Variants in FAT4 observed in about 807,000 individuals in gnomAD.
FAT4 encodes protocadherin Fat 4.
In FAT4, 84 loss-of-function variants were observed where a neutral mutation model predicts 303.9. The ratio of observed to expected loss-of-function variants is 0.28; its 90% confidence interval spans 0.23 to 0.33. The LOEUF (loss-of-function observed/expected upper bound fraction) is 0.33. Ranked by LOEUF, FAT4 falls within the 10% of genes least tolerant of loss-of-function variation. The pLI, the probability that FAT4 is intolerant of heterozygous loss-of-function variation, is 1.00. For missense variants in FAT4, 6,005 were observed against 6,146.8 expected (o/e 0.98, Z 0.77); for synonymous variants, 2,307 against 2,298.8 (o/e 1.00, Z -0.10).
intron 8 of FAT4, among the ~76,000 whole-genome samples, chr4:125,438,117 C>T (rs1725523181): frequency 6.6e-6 from 1 of 152,128 alleles, no homozygotes; most frequent in African/African-American, 2.4e-5. Context: ...CATGCAGATG[C>T]TGTTTCTTAG....
intron 7 of FAT4, among the ~76,000 whole-genome samples, chr4:125,432,926 A>G (rs1725330162): frequency 6.6e-6 from 1 of 152,114 alleles, no homozygotes; most frequent in African/African-American, 2.4e-5. Flanking sequence ...AACTGGGTAT[A>G]CACATTCTTT....
chr4:125,401,123 C>T (rs1302713191), intron 3 of FAT4, among the ~76,000 whole-genome samples: 1 of 151,944 alleles, frequency 6.6e-6, no homozygotes, highest in Non-Finnish European at 1.5e-5. Flanking sequence ...AAAGAAAAAG[C>T]TCACAAAGTT....
At chr4:125,475,235 C>G (rs13139028) in intron 12 of FAT4, among the ~76,000 whole-genome samples, 58,167 of 151,392 alleles carry the variant, frequency 0.38, 11,160 homozygotes, top group Middle Eastern at 0.46. Context: ...GTTTGGGGAA[C>G]AAAGGAGGTG....
chr4:125,375,541 T>C (rs1456682795), intron 2 of FAT4, among the ~76,000 whole-genome samples: 3 of 152,194 alleles, frequency 2.0e-5, no homozygotes, highest in Non-Finnish European at 4.4e-5. Context: ...CCTGGAAATA[T>C]GCATTTTGAA....
chr4:125,406,965 C>T lies in FAT4; in HGVS notation c.5393C>T (p.Ala1798Val), dbSNP rs1378084829. ...RIDPESGDLI[A>V]TRRLDRERRS... is the part of the protein sequence containing the mutation. ...GACCCAGAATCCGGAGATCTGATAG[C>T]AACCAGGCGGTTGGACAGGGAACGC... The change falls in exon 4 of 18, where the codon GCA becomes GTA. Residue 1798 changes from alanine (A) to valine (V), a missense_variant. Physicochemically the swap from Ala to Val is moderately conservative, Grantham distance 64. Transcript: ENST00000394329. 1 of 1,613,748 alleles carries T rather than the reference C, an allele frequency of 6.2e-7. No homozygotes were observed. The highest frequency in any genetic ancestry group is 2.2e-5 in the East Asian group (1 of 44,864).
chr4:125,485,471 C>T (rs1441616202), intron 16 of FAT4, among the ~76,000 whole-genome samples: 2 of 152,000 alleles, frequency 1.3e-5, no homozygotes, highest in African/African-American at 4.8e-5. Flanking sequence ...CAAAAAAACA[C>T]ATTAGCCTCA....
At chr4:125,458,792 T>C (rs1470922389) in intron 10 of FAT4, among the ~76,000 whole-genome samples, 1 of 151,952 alleles carries the variant, frequency 6.6e-6, no homozygotes, top group Non-Finnish European at 1.5e-5. Flanking sequence ...AAACTTTTTT[T>C]GGTTGTTGCT....
intron 10 of FAT4, among the ~76,000 whole-genome samples, chr4:125,460,954 T>C (rs1169578431): frequency 6.6e-6 from 1 of 152,116 alleles, no homozygotes; most frequent in African/African-American, 2.4e-5. Context: ...ATTTGTTTTT[T>C]CTTAACAATT....
At chr4:125,371,148 C>CAAAAAAAAA (rs1197394937) in intron 2 of FAT4, among the ~76,000 whole-genome samples, 1 of 98,018 alleles carries the variant, frequency 1.0e-5, no homozygotes, top group Non-Finnish European at 2.0e-5. Context: ...AACTCCATCT[C>CAAAAAAAAA]AAAAAAAAAA....
intron 7 of FAT4, among the ~76,000 whole-genome samples, chr4:125,424,957 A>C (rs1169953889): frequency 6.6e-6 from 1 of 152,216 alleles, no homozygotes; most frequent in East Asian, 1.9e-4. Flanking sequence ...GGGAGAAAAA[A>C]GATTTTAGGG....
chr4:125,406,937 A>G lies in FAT4; in HGVS notation c.5365A>G (p.Ile1789Val). Residue 1789 changes from isoleucine (I) to valine (V), a missense_variant, in exon 4 of 18, where the codon ATC becomes GTC. Physicochemically the swap from Ile to Val is conservative, Grantham distance 29. Transcript: ENST00000394329. ...IISGADDSFR[I>V]DPESGDLIAT... is the part of the protein sequence containing the mutation. ...TAGTGGAGCTGATGATAGTTTTCGC[A>G]TCGACCCAGAATCCGGAGATCTGAT... 6 of 1,613,864 alleles carry G rather than the reference A, an allele frequency of 3.7e-6. No individual in the cohort carries two copies. Among genetic ancestry groups the G allele is most frequent in the East Asian group, 2.2e-5 (1 of 44,848 alleles).
At position 125,449,779 on chromosome 4, in the gene FAT4, T is replaced by C; in HGVS notation, c.8769T>C (p.Asn2923=). Residue 2923 remains asparagine (N), a synonymous_variant, in exon 10 of 18, where the codon AAT becomes AAC. Coordinates refer to ENST00000394329, the MANE Select transcript of FAT4 (RefSeq NM_001291303.3). ...CCCAATCAGAATATTTCAGGATTAA[T>C]GCCACCACTGGAGAGATTTTCAATA... ...IKSQSEYFRI[N]ATTGEIFNKQ... is the part of the protein sequence containing the mutation. 1.2e-6 allele frequency: 2 copies of C among 1,613,810 alleles called. No individual in the cohort carries two copies. The highest frequency in any genetic ancestry group is 1.7e-6 in the Non-Finnish European group (2 of 1,179,882).
rs535080217 is a variant in FAT4 at position 125,319,502 on chromosome 4, A to G, written c.3091A>G (p.Ile1031Val). 6.2e-7 allele frequency: 1 copy of G among 1,613,402 alleles called. No homozygotes were observed. Among genetic ancestry groups the G allele is most frequent in the Non-Finnish European group, 8.5e-7 (1 of 1,179,330 alleles). Residue 1031 changes from isoleucine (I) to valine (V), a missense_variant, in exon 2 of 18, where the codon ATT (isoleucine) becomes GTT (valine). Physicochemically the swap from Ile to Val is conservative, Grantham distance 29 (BLOSUM62 3). Coordinates refer to ENST00000394329, the MANE Select transcript of FAT4 (RefSeq NM_001291303.3). Reference protein sequence around the residue: ...SDKDSGANGEIAYTIAEGNTG... With the variant: ...SDKDSGANGEVAYTIAEGNTG... ...TAAGGATTCAGGAGCAAATGGTGAA[A>G]TTGCATACACCATTGCTGAAGGAAA...
chr4:125,347,383 G>A (rs1351853964), intron 2 of FAT4, among the ~76,000 whole-genome samples: 2 of 151,264 alleles, frequency 1.3e-5, no homozygotes, highest in African/African-American at 2.4e-5. Context: ...GATATTTTTA[G>A]AAGTAAAAAT....
In FAT4 at chr4:125,487,765, G is replaced by T. The variant is rs146991558; in HGVS notation, c.13084+159G>T. On this transcript the variant is annotated intron_variant, in intron 17 of 17. Coordinates refer to ENST00000394329, the MANE Select transcript of FAT4 (RefSeq NM_001291303.3). ...TGTTTAAAAAAGTAGTTTGATGTCTGATAATATCAATTATAAATATCCTAA... is the reference window on the plus strand; with the variant it reads ...TGTTTAAAAAAGTAGTTTGATGTCTTATAATATCAATTATAAATATCCTAA... Among the ~76,000 whole-genome samples, 735 of 152,282 alleles carry T rather than the reference G, an allele frequency of 4.8e-3. 3 individuals carry two copies. The highest frequency in any genetic ancestry group is 9.6e-3 in the Admixed American group (146 of 15,286).
At chr4:125,333,138 G>A (rs562439147) in intron 2 of FAT4, among the ~76,000 whole-genome samples, 6 of 151,992 alleles carry the variant, frequency 3.9e-5, no homozygotes, top group African/African-American at 1.4e-4. Flanking sequence ...TATAAGATTA[G>A]CATACAGATA....
chr4:125,439,522 G>C (rs1016205213), intron 8 of FAT4, among the ~76,000 whole-genome samples: 7 of 150,578 alleles, frequency 4.6e-5, no homozygotes, highest in Non-Finnish European at 8.9e-5. Context: ...TGTATTTTTA[G>C]TAGAGATGGG....
chr4:125,438,135 A>G (rs1725524000), intron 8 of FAT4, among the ~76,000 whole-genome samples: 1 of 152,192 alleles, frequency 6.6e-6, no homozygotes. Flanking sequence ...TAGACAGTAT[A>G]TAGAATATTA....
At chr4:125,485,149 G>T (rs917178904) in intron 16 of FAT4, among the ~76,000 whole-genome samples, 7 of 152,094 alleles carry the variant, frequency 4.6e-5, no homozygotes, top group African/African-American at 1.7e-4. Context: ...TCAATGTGAA[G>T]GCCTAAGACA....
Sources: gnomAD v4.1 joint callset for allele counts (sites outside exome capture counted in the v4.1 genomes callset) on GRCh38, gnomAD v4.1.1 for gene constraint, MANE v1.5 for transcripts, NCBI Gene and HGNC (gene_info 2026-07-23, HGNC 2026-07-21) for gene names.